Variants in DPP10 observed in about 807,000 individuals in gnomAD.
The protein encoded by DPP10 is inactive dipeptidyl peptidase 10.
DPP10 carries 33 observed loss-of-function variants against 120.9 expected under a neutral mutation model. The observed-to-expected ratio is 0.27, with a 90% CI of 0.21 to 0.37. The LOEUF is 0.37. Among genes scored for constraint, DPP10 ranks in the 10% least tolerant of loss-of-function variants. The probability of loss-of-function intolerance (pLI) is 1.00; values close to 1 mark genes in which losing one functional copy is unlikely to be tolerated. For missense variants in DPP10, 816 were observed against 942.8 expected (o/e 0.87, Z 1.76); for synonymous variants, 337 against 326.1 (o/e 1.03, Z -0.36).
intron 3 of DPP10, among the ~76,000 whole-genome samples, chr2:115,380,985 A>T (rs536119769): frequency 8.8e-4 from 133 of 151,818 alleles, no homozygotes; most frequent in African/African-American, 2.4e-3. Flanking sequence ...TGCCCTTAAC[A>T]TTTTTTCCTT....
Position 114,939,704 on chromosome 2 carries a change from C to G in DPP10, c.61-369535C>G, listed in dbSNP as rs114436655. On this transcript the variant is annotated intron_variant, in intron 1 of 25. Transcript: ENST00000410059. ...GAAACTTACTTCACTTTTGTCCATT[C>G]ATGTTGTATAAACACCTTAGAACTT... 3.2e-3 allele frequency among the ~76,000 whole-genome samples: 482 copies of G among 152,204 alleles called. 1 individual carries two copies. The highest frequency in any genetic ancestry group is 0.011 in the African/African-American group (471 of 41,554).
intron 7 of DPP10, among the ~76,000 whole-genome samples, chr2:115,705,917 C>A (rs1335973159): frequency 6.6e-6 from 1 of 151,650 alleles, no homozygotes; most frequent in Non-Finnish European, 1.5e-5. Context: ...CAGCTCATAT[C>A]ATTTATTTAC....
At chr2:115,756,791 T>C (rs1324570592) in intron 11 of DPP10, among the ~76,000 whole-genome samples, 1 of 152,076 alleles carries the variant, frequency 6.6e-6, no homozygotes, top group Non-Finnish European at 1.5e-5. Context: ...CTCACAGTTT[T>C]GGAGGCTGGG....
At chr2:115,156,441 C>T (rs1345906942) in intron 1 of DPP10, among the ~76,000 whole-genome samples, 1 of 152,120 alleles carries the variant, frequency 6.6e-6, no homozygotes, top group Non-Finnish European at 1.5e-5. Flanking sequence ...GAATCTAGTA[C>T]TAAATCTTTA....
At chr2:115,708,650 A>C (rs1248554055) in intron 7 of DPP10, among the ~76,000 whole-genome samples, 1 of 152,004 alleles carries the variant, frequency 6.6e-6, no homozygotes, top group Non-Finnish European at 1.5e-5. Flanking sequence ...GAAAATTTTC[A>C]CCATCTTCTA....
chr2:114,555,640 C>T (rs938543558), intron 1 of DPP10, among the ~76,000 whole-genome samples: 1 of 152,002 alleles, frequency 6.6e-6, no homozygotes, highest in African/African-American at 2.4e-5. Flanking sequence ...AACCAAACAG[C>T]CCCATACACA....
At chr2:114,456,324 G>A (rs571832062) in intron 1 of DPP10, among the ~76,000 whole-genome samples, 46 of 152,334 alleles carry the variant, frequency 3.0e-4, no homozygotes, top group Non-Finnish European at 5.7e-4. Context: ...GAGGAGTAAG[G>A]ACAAGTTTGC....
chr2:115,370,815 TG>T (rs2065357826), intron 3 of DPP10, among the ~76,000 whole-genome samples: 1 of 151,986 alleles, frequency 6.6e-6, no homozygotes, highest in African/African-American at 2.4e-5. Context: ...TCAGTAGGTT[TG>T]GGGTACGCGT....
At chr2:114,827,567 G>C (rs940607035) in intron 1 of DPP10, among the ~76,000 whole-genome samples, 1 of 152,042 alleles carries the variant, frequency 6.6e-6, no homozygotes, top group Non-Finnish European at 1.5e-5. Context: ...TGGACTCCTA[G>C]TATTCTCTTT....
chr2:114,827,738 A>T (rs1372342272), intron 1 of DPP10, among the ~76,000 whole-genome samples: 1 of 152,210 alleles, frequency 6.6e-6, no homozygotes, highest in African/African-American at 2.4e-5. Context: ...TAGCCTGTGC[A>T]GTGGAGGAAG....
At chr2:115,688,157 A>C (rs2149492611) in intron 5 of DPP10, among the ~76,000 whole-genome samples, 1 of 152,278 alleles carries the variant, frequency 6.6e-6, no homozygotes, top group African/African-American at 2.4e-5. Flanking sequence ...TAGAACACAA[A>C]GTAAATGTCA....
chr2:114,566,754 G>C (rs1316818160), intron 1 of DPP10, among the ~76,000 whole-genome samples: 2 of 152,208 alleles, frequency 1.3e-5, no homozygotes, highest in Admixed American at 1.3e-4. Context: ...AGGTGGTCTA[G>C]AGTCCTGGGT....
intron 4 of DPP10, among the ~76,000 whole-genome samples, chr2:115,512,311 G>A (rs933691954): frequency 1.3e-5 from 2 of 151,716 alleles, no homozygotes; most frequent in South Asian, 4.2e-4. Context: ...TTTTGCCCAG[G>A]CTGGTTGTGA....
intron 1 of DPP10, among the ~76,000 whole-genome samples, chr2:115,094,222 A>C (rs1709528589): frequency 6.6e-6 from 1 of 152,152 alleles, no homozygotes. Flanking sequence ...CGTGTCATTT[A>C]AGTAGGCTTA....
chr2:115,288,483 C>T (rs1320032554), intron 1 of DPP10, among the ~76,000 whole-genome samples: 1 of 151,962 alleles, frequency 6.6e-6, no homozygotes, highest in Non-Finnish European at 1.5e-5. Flanking sequence ...TTTGGGAGGC[C>T]AGCGTGGGTG....
chr2:115,000,132 G>T (rs17043899), intron 1 of DPP10, among the ~76,000 whole-genome samples: 42,779 of 150,576 alleles, frequency 0.28, 6,402 homozygotes, highest in South Asian at 0.46. Flanking sequence ...CATTTATGGG[G>T]TTTTTTTTCT....
chr2:114,981,390 C>G (rs569051760), intron 1 of DPP10, among the ~76,000 whole-genome samples: 1 of 151,382 alleles, frequency 6.6e-6, no homozygotes. Context: ...GAAAAAAAAG[C>G]AAGTTGAAAA....
chr2:115,116,707 A>G (rs1319696137), intron 1 of DPP10, among the ~76,000 whole-genome samples: 1 of 152,160 alleles, frequency 6.6e-6, no homozygotes, highest in Non-Finnish European at 1.5e-5. Context: ...CACATATATA[A>G]TTGTTGTAAA....
At chr2:115,382,906 A>T (rs1193319310) in intron 3 of DPP10, among the ~76,000 whole-genome samples, 2 of 152,224 alleles carry the variant, frequency 1.3e-5, no homozygotes, top group African/African-American at 2.4e-5. Context: ...GAGGGAAGTC[A>T]GAGAACGCTG....
Sources: allele counts gnomAD v4.1 joint callset (sites outside exome capture counted in the v4.1 genomes callset), GRCh38; gene constraint gnomAD v4.1.1; transcripts MANE v1.5; gene names NCBI Gene and HGNC (gene_info 2026-07-23, HGNC 2026-07-21).